Variants in VTA1 observed in about 807,000 individuals in gnomAD.
VTA1 encodes vacuolar protein sorting-associated protein VTA1 homolog.
Under a neutral mutation model 36.9 loss-of-function variants are expected in VTA1, and 24 were observed. The observed-to-expected ratio is 0.65, with a 90% CI of 0.47 to 0.91. The LOEUF (loss-of-function observed/expected upper bound fraction) is 0.91, where lower values mean the gene tolerates loss of function less well. VTA1 is among the 40% of genes least tolerant of loss of function. The probability of loss-of-function intolerance (pLI) is 0.00; values close to 1 mark genes in which losing one functional copy is unlikely to be tolerated. For missense variants in VTA1, 393 were observed against 377.2 expected (o/e 1.04, Z -0.35); for synonymous variants, 142 against 130.2 (o/e 1.09, Z -0.62).
intron 7 of VTA1, among the ~76,000 whole-genome samples, chr6:142,214,266 G>A (rs225705): frequency 0.43 from 65,369 of 152,016 alleles, 15,060 homozygotes; most frequent in Middle Eastern, 0.56. Flanking sequence ...AGCATAGCAA[G>A]AGTGACCTTA....
At position 142,222,786 on chromosome 6, in the gene VTA1, CAAT is replaced by C. The variant is rs1776135274; in HGVS notation, c.*4150_*4152del. On this transcript the variant is annotated 3_prime_UTR_variant, in exon 8 of 8. Transcript: ENST00000367630. ...GACAAATTCTAAGTAAGCAACACTTCAATAATAATCATAATAGCTAACATTTCA... is the reference window on the plus strand; with the variant it reads ...GACAAATTCTAAGTAAGCAACACTTCAATAATCATAATAGCTAACATTTCA... 1.4e-5 allele frequency: 2 copies of C among 145,814 alleles called. No homozygotes were observed. The highest frequency in any genetic ancestry group is 4.5e-4 in the South Asian group (2 of 4,488). The allele number at this position is 145,814 out of a possible 1,614,324, so 9.0% of individuals were successfully genotyped here. A position where few individuals can be genotyped will look rare whatever the true frequency, so the allele number is the denominator to read the frequency against.
rs771469609 is a variant in VTA1 at position 142,166,231 on chromosome 6, G to T, written c.116G>T (p.Arg39Leu). The T allele has an allele frequency of 3.1e-6, 5 of 1,598,198 alleles. No individual in the cohort carries two copies. Among genetic ancestry groups the T allele is most frequent in the Non-Finnish European group, 4.3e-6 (5 of 1,171,592 alleles). ...KRDPVVAYYC[R>L]LYAMQTGMKI... ...ATTATCTTACTTTTCTTTCTAGGTC[G>T]TTTATACGCAATGCAGACTGGAATG... The change falls in exon 2 of 8, where the codon CGT (arginine) becomes CTT (leucine). Residue 39 changes from arginine (R) to leucine (L), a missense_variant. By Grantham distance (102) the Arg-to-Leu change is moderately radical (BLOSUM62 -2). Transcript: ENST00000367630.
chr6:142,204,178 T>G, intron 7 of VTA1, 113 bp downstream of exon 7: 1 of 926,384 alleles, frequency 1.1e-6, no homozygotes, highest in Non-Finnish European at 1.7e-6. Context: ...AAATTTGAAT[T>G]TCTAGGTAAT....
At chr6:142,200,109 C>T (rs983526974) in intron 6 of VTA1, among the ~76,000 whole-genome samples, 1 of 152,066 alleles carries the variant, frequency 6.6e-6, no homozygotes, top group Non-Finnish European at 1.5e-5. Context: ...TGTTTCTACC[C>T]CATGCTAAAG....
At chr6:142,215,971 A>G (rs1408347922) in intron 7 of VTA1, among the ~76,000 whole-genome samples, 1 of 152,154 alleles carries the variant, frequency 6.6e-6, no homozygotes, top group Non-Finnish European at 1.5e-5. Context: ...GCCCTCTTAT[A>G]TATAGATGGT....
At chr6:142,154,210 A>G (rs1348679458) in intron 1 of VTA1, among the ~76,000 whole-genome samples, 1 of 152,040 alleles carries the variant, frequency 6.6e-6, no homozygotes, top group Non-Finnish European at 1.5e-5. Flanking sequence ...GTCCATTTCT[A>G]AAGTTTTATC....
intron 1 of VTA1, among the ~76,000 whole-genome samples, chr6:142,158,883 C>A (rs1055587802): frequency 1.3e-5 from 2 of 152,130 alleles, no homozygotes; most frequent in Non-Finnish European, 2.9e-5. Flanking sequence ...AAGATCTTTA[C>A]TGTCTTTTCC....
intron 5 of VTA1, among the ~76,000 whole-genome samples, chr6:142,193,711 T>C (rs1775495013): frequency 6.6e-6 from 1 of 151,656 alleles, no homozygotes; most frequent in Non-Finnish European, 1.5e-5. Context: ...TTAACATTCT[T>C]TGGTATCTAG....
At chr6:142,156,770 G>A (rs2114631756) in intron 1 of VTA1, among the ~76,000 whole-genome samples, 1 of 152,274 alleles carries the variant, frequency 6.6e-6, no homozygotes, top group Admixed American at 6.5e-5. Flanking sequence ...TATATATAAA[G>A]TTATTTCAGT....
At chr6:142,155,504 G>A (rs1397779769) in intron 1 of VTA1, among the ~76,000 whole-genome samples, 2 of 152,088 alleles carry the variant, frequency 1.3e-5, no homozygotes, top group Admixed American at 6.5e-5. Context: ...CTTTTATAAC[G>A]TGAGGGAAGG....
chr6:142,191,799 T>C (rs1259720372), intron 5 of VTA1, among the ~76,000 whole-genome samples: 1 of 152,122 alleles, frequency 6.6e-6, no homozygotes. Context: ...TATAATGTCA[T>C]TAAATCTGAT....
At chr6:142,165,082 G>A (rs1774888553) in intron 1 of VTA1, among the ~76,000 whole-genome samples, 1 of 152,160 alleles carries the variant, frequency 6.6e-6, no homozygotes, top group Non-Finnish European at 1.5e-5. Flanking sequence ...ATTTTATTTT[G>A]ATAGCTATCC....
At chr6:142,203,648 A>G (rs1321705342) in intron 6 of VTA1, among the ~76,000 whole-genome samples, 2 of 152,148 alleles carry the variant, frequency 1.3e-5, no homozygotes, top group Non-Finnish European at 2.9e-5. Flanking sequence ...AAGTTAAACT[A>G]AATTAGAATT....
At chr6:142,175,552 G>A (rs1775105510) in intron 4 of VTA1, among the ~76,000 whole-genome samples, 1 of 151,866 alleles carries the variant, frequency 6.6e-6, no homozygotes, top group African/African-American at 2.4e-5. Flanking sequence ...CTTCATTTTT[G>A]TGTATTGTAT....
chr6:142,165,934 A>G (rs1011843307), intron 1 of VTA1, among the ~76,000 whole-genome samples: 2 of 150,882 alleles, frequency 1.3e-5, no homozygotes, highest in South Asian at 4.2e-4. Flanking sequence ...CTGTCTTACC[A>G]ATTAAATTAT....
chr6:142,173,900 T>G (rs1775070914), intron 4 of VTA1, among the ~76,000 whole-genome samples: 1 of 152,190 alleles, frequency 6.6e-6, no homozygotes, highest in African/African-American at 2.4e-5. Context: ...TGTTTAGATA[T>G]TAGGGTTACT....
chr6:142,160,823 A>G (rs765536197), intron 1 of VTA1, among the ~76,000 whole-genome samples: 3 of 152,164 alleles, frequency 2.0e-5, no homozygotes, highest in Non-Finnish European at 4.4e-5. Context: ...TAATCAAATC[A>G]TCACTTAGTG....
At chr6:142,157,083 G>T (rs1438453418) in intron 1 of VTA1, among the ~76,000 whole-genome samples, 1 of 152,242 alleles carries the variant, frequency 6.6e-6, no homozygotes, top group Non-Finnish European at 1.5e-5. Context: ...AGAATCGCTT[G>T]AACCCAGGAG....
intron 4 of VTA1, among the ~76,000 whole-genome samples, chr6:142,175,050 T>A (rs375651277): frequency 6.6e-6 from 1 of 152,188 alleles, no homozygotes; most frequent in Non-Finnish European, 1.5e-5. Context: ...GTAAACAACC[T>A]GAATAACCGA....
Sources: gnomAD v4.1 joint callset for allele counts (sites outside exome capture counted in the v4.1 genomes callset) on GRCh38, gnomAD v4.1.1 for gene constraint, MANE v1.5 for transcripts, NCBI Gene and HGNC (gene_info 2026-07-23, HGNC 2026-07-21) for gene names.